Variants in CDK17 observed in about 807,000 individuals in gnomAD.
The protein encoded by CDK17 is cyclin dependent kinase 17, also known as cyclin-dependent kinase 17.
A neutral mutation model predicts 77.6 loss-of-function variants in CDK17; 24 were observed. That is an observed-to-expected ratio of 0.31 (90% CI 0.22 to 0.44). The LOEUF (loss-of-function observed/expected upper bound fraction) is 0.44, where lower values mean the gene tolerates loss of function less well. Among genes scored for constraint, CDK17 ranks in the 20% least tolerant of loss-of-function variants. The pLI, the probability that CDK17 is intolerant of heterozygous loss-of-function variation, is 1.00. For synonymous variants in CDK17, 203 were observed against 210.4 expected (o/e 0.96, Z 0.30); for missense variants, 429 against 622.5 (o/e 0.69, Z 3.31).
chr12:96,288,396 G>A (rs868430282), intron 11 of CDK17, among the ~76,000 whole-genome samples: 16 of 152,236 alleles, frequency 1.1e-4, no homozygotes, highest in Admixed American at 2.0e-4. Flanking sequence ...TATTTTGAAC[G>A]TTACTAGGAA....
intron 10 of CDK17, among the ~76,000 whole-genome samples, chr12:96,294,031 G>A (rs945181860): frequency 1.3e-5 from 2 of 152,272 alleles, no homozygotes; most frequent in Non-Finnish European, 2.9e-5. Context: ...TTGTCTGTCA[G>A]TCATTTAAGT....
chr12:96,335,896 T>A (rs1056108287), intron 1 of CDK17, among the ~76,000 whole-genome samples: 1 of 152,172 alleles, frequency 6.6e-6, no homozygotes, highest in African/African-American at 2.4e-5. Context: ...ATAACCATTA[T>A]CCCAACCAAC....
At position 96,359,303 on chromosome 12, in the gene CDK17, A is replaced by G. The variant is rs114405864; in HGVS notation, c.-29-24438T>C. Among the ~76,000 whole-genome samples, 534 of 152,334 alleles carry G rather than the reference A, an allele frequency of 3.5e-3. 2 individuals carry two copies. The highest frequency in any genetic ancestry group is 0.011 in the African/African-American group (458 of 41,570). ...GTTTATTTGATAAATGTTCCTTTAA[A>G]GAAGACATTAATTAATACCAACTGT... On this transcript the variant is annotated intron_variant, in intron 1 of 16. Coordinates refer to ENST00000261211, the MANE Select transcript of CDK17 (RefSeq NM_002595.5).
chr12:96,331,015 C>T (rs1952959233), intron 2 of CDK17, among the ~76,000 whole-genome samples: 2 of 152,170 alleles, frequency 1.3e-5, no homozygotes, highest in African/African-American at 4.8e-5. Context: ...GGTGCCATCT[C>T]GGCTCACTGC....
chr12:96,305,367 T>G (rs929288089), intron 5 of CDK17, among the ~76,000 whole-genome samples: 2 of 152,236 alleles, frequency 1.3e-5, no homozygotes, highest in African/African-American at 2.4e-5. Flanking sequence ...GTACCAATGT[T>G]GGTTCCTTAG....
chr12:96,397,260 T>C (rs1954187570), intron 1 of CDK17, among the ~76,000 whole-genome samples: 1 of 152,130 alleles, frequency 6.6e-6, no homozygotes, highest in Non-Finnish European at 1.5e-5. Context: ...TAGCTATCCC[T>C]GTGCTACCGG....
In CDK17 at chr12:96,400,078, T is replaced by G. The variant is rs1311931161; in HGVS notation, c.-122A>C. The G allele has an allele frequency of 5.1e-6, 2 of 390,164 alleles. No individual in the cohort carries two copies. The highest frequency in any genetic ancestry group is 9.1e-6 in the Non-Finnish European group (2 of 220,854). The allele number at this position is 390,164 out of a possible 1,614,324, so 24.2% of individuals were successfully genotyped here. ...GACGCCCGCGGCGACCGGATGCAAG[T>G]CCGGGTCTCAGCGGCCGGCAGACGT... On this transcript the variant is annotated 5_prime_UTR_variant, in exon 1 of 17. Transcript: ENST00000261211.
At chr12:96,315,608 G>C (rs1952701515) in intron 3 of CDK17, among the ~76,000 whole-genome samples, 1 of 152,126 alleles carries the variant, frequency 6.6e-6, no homozygotes, top group African/African-American at 2.4e-5. Flanking sequence ...TTTCTAGTGA[G>C]ATATGAAAAT....
chr12:96,297,580 G>A (rs752005949), intron 8 of CDK17, 47 bp downstream of exon 8: 4 of 1,202,864 alleles, frequency 3.3e-6, no homozygotes, highest in South Asian at 2.6e-5. Context: ...AATTTACTAT[G>A]TTTTTCTAAA....
At chr12:96,366,536 G>A (rs890618365) in intron 1 of CDK17, among the ~76,000 whole-genome samples, 2 of 152,122 alleles carry the variant, frequency 1.3e-5, no homozygotes, top group Non-Finnish European at 2.9e-5. Flanking sequence ...ATTATAAGCA[G>A]CTTAAACAGC....
At chr12:96,333,710 C>T (rs1953002881) in intron 2 of CDK17, among the ~76,000 whole-genome samples, 1 of 151,420 alleles carries the variant, frequency 6.6e-6, no homozygotes, top group African/African-American at 2.4e-5. Flanking sequence ...CAAGGAAAAC[C>T]TTAACAAATG....
intron 1 of CDK17, among the ~76,000 whole-genome samples, chr12:96,365,992 A>T (rs1437211199): frequency 6.6e-6 from 1 of 152,228 alleles, no homozygotes; most frequent in Non-Finnish European, 1.5e-5. Context: ...TAGGCCTGTG[A>T]ATCTCTCTCC....
intron 12 of CDK17, 72 bp from the exon 13 acceptor site, chr12:96,286,220 T>C (rs1055638950): frequency 1.2e-5 from 4 of 342,706 alleles, no homozygotes; most frequent in South Asian, 2.0e-4. Flanking sequence ...TATATACACA[T>C]ATATATAACA....
At chr12:96,396,195 A>G (rs142818741) in intron 1 of CDK17, among the ~76,000 whole-genome samples, 1 of 152,350 alleles carries the variant, frequency 6.6e-6, no homozygotes, top group African/African-American at 2.4e-5. Context: ...GGAGAGGCAG[A>G]CAGGCTGGGA....
At chr12:96,356,665 T>TA (rs2137181141) in intron 1 of CDK17, among the ~76,000 whole-genome samples, 1 of 152,318 alleles carries the variant, frequency 6.6e-6, no homozygotes, top group Non-Finnish European at 1.5e-5. Context: ...TACCAGCCAT[T>TA]ACCTCCTGAG....
At chr12:96,308,254 T>TAAAAAAAAAAAAAAAAAAAAA in intron 5 of CDK17, among the ~76,000 whole-genome samples, 1 of 108,782 alleles carries the variant, frequency 9.2e-6, no homozygotes, top group Non-Finnish European at 2.1e-5. Flanking sequence ...AAAAAAAAAG[T>TAAAAAAAAAAAAAAAAAAAAA]TTTTTAATTA....
intron 1 of CDK17, among the ~76,000 whole-genome samples, chr12:96,398,726 G>A (rs1269482879): frequency 3.3e-5 from 5 of 152,186 alleles, no homozygotes; most frequent in African/African-American, 1.2e-4. Context: ...CTGGCTGCCA[G>A]GAATACACTT....
intron 5 of CDK17, among the ~76,000 whole-genome samples, chr12:96,307,575 A>G (rs1952592010): frequency 6.6e-6 from 1 of 152,146 alleles, no homozygotes; most frequent in South Asian, 2.1e-4. Context: ...AAATCATCCC[A>G]ATAAAAATGT....
intron 1 of CDK17, among the ~76,000 whole-genome samples, chr12:96,353,472 C>T (rs2137175446): frequency 6.6e-6 from 1 of 151,978 alleles, no homozygotes; most frequent in Middle Eastern, 3.4e-3. Context: ...TTAAGTGAAA[C>T]TGTTTCTGTT....
Sources: gnomAD v4.1 joint callset for allele counts (sites outside exome capture counted in the v4.1 genomes callset) on GRCh38, gnomAD v4.1.1 for gene constraint, MANE v1.5 for transcripts, NCBI Gene and HGNC (gene_info 2026-07-23, HGNC 2026-07-21) for gene names.